CNTNAP2: variants seen among roughly 807,000 people sequenced by gnomAD.
CNTNAP2 encodes the protein contactin associated protein 2.
A neutral mutation model predicts 155.2 loss-of-function variants in CNTNAP2; 98 were observed. The observed-to-expected ratio is 0.63, with a 90% confidence interval of 0.54 to 0.75. CNTNAP2 has a LOEUF of 0.75. CNTNAP2 is among the 30% of genes least tolerant of loss of function. CNTNAP2 has a pLI of 0.00. For synonymous variants in CNTNAP2, 651 were observed against 631.2 expected, an observed-to-expected ratio of 1.03 and a Z score of -0.47; for missense variants, 1,727 against 1,688.1, an observed-to-expected ratio of 1.02 and a Z score of -0.40.
chr7:147,664,466 G>A (rs984481144), intron 13 of CNTNAP2, among the ~76,000 whole-genome samples: 5 of 152,100 alleles, frequency 3.3e-5, no homozygotes, highest in Admixed American at 6.5e-5. Context: ...TGCTCTCCTT[G>A]CATTCTTTTG....
intron 8 of CNTNAP2, among the ~76,000 whole-genome samples, chr7:147,225,920 AAAG>A (rs1235689099): frequency 1.5e-5 from 2 of 129,816 alleles, no homozygotes; most frequent in Non-Finnish European, 3.5e-5. Flanking sequence ...GGAAGGAAGG[AAAG>A]AAGGAAGGAA....
intron 23 of CNTNAP2, among the ~76,000 whole-genome samples, chr7:148,413,045 A>C (rs1390378833): frequency 2.0e-5 from 3 of 152,104 alleles, no homozygotes; most frequent in African/African-American, 7.2e-5. Flanking sequence ...CATTATCATA[A>C]TACATGATCT....
At chr7:146,816,556 T>A (rs1803174245) in intron 2 of CNTNAP2, among the ~76,000 whole-genome samples, 1 of 152,208 alleles carries the variant, frequency 6.6e-6, no homozygotes, top group South Asian at 2.1e-4. Context: ...TAAATGGGTA[T>A]CTAGACTTTG....
intron 1 of CNTNAP2, among the ~76,000 whole-genome samples, chr7:146,724,513 C>G (rs115282138): frequency 0.013 from 1,884 of 147,662 alleles, 39 homozygotes; most frequent in African/African-American, 0.044. Context: ...GATTCCAGTT[C>G]AGTGCCTGAT....
At chr7:147,773,955 C>T (rs1322232665) in intron 13 of CNTNAP2, among the ~76,000 whole-genome samples, 1 of 152,152 alleles carries the variant, frequency 6.6e-6, no homozygotes, top group Non-Finnish European at 1.5e-5. Context: ...ATATTGACCT[C>T]TTTGCTGTTC....
chr7:146,630,723 A>G (rs1358141794), intron 1 of CNTNAP2, among the ~76,000 whole-genome samples: 3 of 152,040 alleles, frequency 2.0e-5, no homozygotes. Context: ...CATTTCTCTA[A>G]TGACCAGTGA....
intron 16 of CNTNAP2, among the ~76,000 whole-genome samples, chr7:148,122,621 A>G (rs1159827900): frequency 2.6e-5 from 4 of 152,094 alleles, no homozygotes; most frequent in Admixed American, 2.6e-4. Flanking sequence ...ACTCAACATG[A>G]CCCTGAAGGC....
At chr7:148,093,752 A>C (rs963593171) in intron 15 of CNTNAP2, among the ~76,000 whole-genome samples, 18 of 152,096 alleles carry the variant, frequency 1.2e-4, no homozygotes, top group Admixed American at 3.3e-4. Context: ...GTATTATAGT[A>C]AGAGTACTCT....
intron 10 of CNTNAP2, among the ~76,000 whole-genome samples, chr7:147,480,547 C>T (rs1019038714): frequency 6.6e-6 from 1 of 152,198 alleles, no homozygotes; most frequent in Non-Finnish European, 1.5e-5. Flanking sequence ...AGTCTACAGT[C>T]AGGTGCAGAA....
chr7:146,436,019 A>G (rs1381414706), intron 1 of CNTNAP2, among the ~76,000 whole-genome samples: 1 of 152,156 alleles, frequency 6.6e-6, no homozygotes, highest in Non-Finnish European at 1.5e-5. Flanking sequence ...CAATCCAGTT[A>G]TTGATCACAT....
intron 1 of CNTNAP2, among the ~76,000 whole-genome samples, chr7:146,185,903 A>G (rs1568938): frequency 6.6e-6 from 1 of 152,106 alleles, no homozygotes. Context: ...GTCCTCAGAT[A>G]TAAATTTTTA....
chr7:147,628,584 G>A (rs931060729), intron 12 of CNTNAP2, among the ~76,000 whole-genome samples: 2 of 152,054 alleles, frequency 1.3e-5, no homozygotes, highest in Non-Finnish European at 2.9e-5. Context: ...AAGGTATTAA[G>A]GCAACAACTA....
chr7:146,296,813 G>A (rs549771382), intron 1 of CNTNAP2, among the ~76,000 whole-genome samples: 2 of 152,104 alleles, frequency 1.3e-5, no homozygotes, highest in East Asian at 3.9e-4. Context: ...ATGAAAGAGT[G>A]CACATTTTAA....
intron 1 of CNTNAP2, among the ~76,000 whole-genome samples, chr7:146,577,338 T>A (rs1389468271): frequency 6.6e-6 from 1 of 152,066 alleles, no homozygotes; most frequent in Non-Finnish European, 1.5e-5. Context: ...TGCCTACGTT[T>A]ACAAACATAC....
chr7:146,332,941 A>ATT (rs4016094), intron 1 of CNTNAP2, among the ~76,000 whole-genome samples: 4,447 of 102,382 alleles, frequency 0.043, 211 homozygotes, highest in Non-Finnish European at 0.065. Context: ...TTCTTCTTCT[A>ATT]TTTTTTTTTT....
intron 13 of CNTNAP2, among the ~76,000 whole-genome samples, chr7:147,690,542 A>G (rs1446372563): frequency 6.6e-6 from 1 of 152,110 alleles, no homozygotes; most frequent in Non-Finnish European, 1.5e-5. Flanking sequence ...TTATCGAGTA[A>G]CAAAAAAGGT....
At chr7:146,321,950 C>T (rs1801010505) in intron 1 of CNTNAP2, among the ~76,000 whole-genome samples, 1 of 151,814 alleles carries the variant, frequency 6.6e-6, no homozygotes, top group Admixed American at 6.6e-5. Context: ...TAAACCTTTT[C>T]AGTTTTTAGA....
chr7:148,092,305 A>G (rs1373413551), intron 15 of CNTNAP2, among the ~76,000 whole-genome samples: 4 of 152,198 alleles, frequency 2.6e-5, no homozygotes, highest in African/African-American at 9.7e-5. Flanking sequence ...GGAATCATAC[A>G]TCAATCCACA....
chr7:146,956,537 C>T lies in CNTNAP2; in HGVS notation c.403-87370C>T, dbSNP rs146689139. 6.6e-3 allele frequency among the ~76,000 whole-genome samples: 1,002 copies of T among 152,232 alleles called. 16 individuals carry two copies. The highest frequency in any genetic ancestry group is 0.021 in the African/African-American group (870 of 41,560). On this transcript the variant is annotated intron_variant, in intron 3 of 23. Transcript: ENST00000361727. ...AATTTGCAATTATCTCCTTTTCCTG[C>T]TTGTGCTGGCAAAGAGAGGGAAAAT...
Sources: allele counts gnomAD v4.1 joint callset (sites outside exome capture counted in the v4.1 genomes callset), GRCh38; gene constraint gnomAD v4.1.1; transcripts MANE v1.5; gene names NCBI Gene and HGNC (gene_info 2026-07-23, HGNC 2026-07-21).